KANK1: variants seen among roughly 807,000 people sequenced by gnomAD.
The protein encoded by KANK1 is KN motif and ankyrin repeat domains 1, also known as KN motif and ankyrin repeat domain-containing protein 1.
In KANK1, 109 loss-of-function variants were observed where a neutral mutation model predicts 106.2. The ratio of observed to expected loss-of-function variants is 1.03; its 90% CI spans 0.88 to 1.20. The LOEUF (loss-of-function observed/expected upper bound fraction) is 1.20. Among genes scored for constraint, KANK1 ranks in the 50% most tolerant of loss-of-function variants. The probability of loss-of-function intolerance (pLI) is 0.00; values close to 1 mark genes in which losing one functional copy is unlikely to be tolerated. For synonymous variants in KANK1, 873 were observed against 652.2 expected, an observed-to-expected ratio of 1.34 and a Z score of -5.16; for missense variants, 2,399 against 1,710.7, an observed-to-expected ratio of 1.40 and a Z score of -7.10.
At chr9:603,958 C>A (rs1216674331) in intron 1 of KANK1, among the ~76,000 whole-genome samples, 1,453 of 93,490 alleles carry the variant, frequency 0.016, no homozygotes, top group East Asian at 0.024. Flanking sequence ...GACTCTGTCT[C>A]AAAAAAAAAA....
intron 1 of KANK1, among the ~76,000 whole-genome samples, chr9:602,324 G>A (rs1181459384): frequency 1.3e-5 from 2 of 151,504 alleles, no homozygotes; most frequent in Non-Finnish European, 2.9e-5. Context: ...CAGTGGTGTG[G>A]TCTTGGCTCA....
At chr9:744,468 T>C (rs772279849) in intron 10 of KANK1, 23 bp from the exon 11 acceptor site, 2 of 1,606,852 alleles carry the variant, frequency 1.2e-6, no homozygotes, top group Admixed American at 1.7e-5. Flanking sequence ...CAACATGGCT[T>C]GTTCTTTCCA....
chr9:731,142 C>T lies in KANK1; in HGVS notation c.2897-16C>T. The T allele has an allele frequency of 6.7e-7, 1 of 1,492,060 alleles. No homozygotes were observed. Among genetic ancestry groups the T allele is most frequent in the Non-Finnish European group, 9.3e-7 (1 of 1,074,330 alleles). The allele number at this position is 1,492,060 out of a possible 1,614,324, so 92.4% of individuals were successfully genotyped here. On this transcript the variant is annotated splice_polypyrimidine_tract_variant and intron_variant, in intron 4 of 11. Transcript: ENST00000382297. ...GGGTGTGAGTTTTCATTTTTATTGC[C>T]TTGACTTTTTCACAGCATGTACAAA...
chr9:559,758 C>G (rs2804263), intron 1 of KANK1, among the ~76,000 whole-genome samples: 96,338 of 151,988 alleles, frequency 0.63, 31,357 homozygotes, highest in East Asian at 0.75. Context: ...AGAAGGCTTT[C>G]AGGTGATTTC....
intron 2 of KANK1, chr9:706,725 C>T (rs1311035837): frequency 1.1e-6 from 1 of 951,846 alleles, no homozygotes; most frequent in East Asian, 1.2e-4. Context: ...GTCATAAGCC[C>T]AGGGCTGAGA....
intron 2 of KANK1, among the ~76,000 whole-genome samples, chr9:699,171 G>C (rs11789761): frequency 0.33 from 49,628 of 152,060 alleles, 9,732 homozygotes; most frequent in South Asian, 0.47. Context: ...GCCTAGGCAG[G>C]GTCCCTGCTG....
At chr9:515,409 T>C (rs1466639519) in intron 1 of KANK1, among the ~76,000 whole-genome samples, 1 of 149,654 alleles carries the variant, frequency 6.7e-6, no homozygotes, top group East Asian at 1.9e-4. Context: ...ATCAGTTCTT[T>C]AACCACTCTA....
chr9:701,356 G>C (rs1233477329), intron 2 of KANK1, among the ~76,000 whole-genome samples: 1 of 152,172 alleles, frequency 6.6e-6, no homozygotes, highest in Non-Finnish European at 1.5e-5. Flanking sequence ...CAGCCGCCTT[G>C]GCCTCCCAAA....
At chr9:621,642 G>C (rs943803990) in intron 1 of KANK1, among the ~76,000 whole-genome samples, 1 of 152,012 alleles carries the variant, frequency 6.6e-6, no homozygotes, top group Non-Finnish European at 1.5e-5. Flanking sequence ...CCCATGACGA[G>C]TGGACATTCC....
chr9:597,760 T>C (rs1345041902), intron 1 of KANK1, among the ~76,000 whole-genome samples: 1 of 151,536 alleles, frequency 6.6e-6, no homozygotes, highest in East Asian at 1.9e-4. Flanking sequence ...GTCTCCTGGG[T>C]TCAAGTGATT....
In KANK1 at chr9:738,410, T is replaced by C. The variant is rs745388084; in HGVS notation, c.3459T>C (p.Tyr1153=). The change falls in exon 8 of 12, where the codon TAT becomes TAC. Residue 1153 remains tyrosine, a synonymous_variant. Transcript: ENST00000382297. ...FEAISPDVLR[Y]VINLADGNGN... ...CCATTTCCCCAGATGTCCTCCGCTA[T>C]GTCATCAACTTGGCAGACGGCAACG... 8 of 1,614,158 alleles carry C rather than the reference T, an allele frequency of 5.0e-6. No individual in the cohort carries two copies. Among genetic ancestry groups the C allele is most frequent in the East Asian group, 4.5e-5 (2 of 44,880 alleles).
chr9:641,434 A>T (rs891360691), intron 1 of KANK1, among the ~76,000 whole-genome samples: 9 of 152,196 alleles, frequency 5.9e-5, no homozygotes, highest in African/African-American at 1.9e-4. Context: ...TACTCTGTAT[A>T]TCCTTTCCAA....
At chr9:545,836 C>G (rs1394802732) in intron 1 of KANK1, among the ~76,000 whole-genome samples, 1 of 149,968 alleles carries the variant, frequency 6.7e-6, no homozygotes, top group African/African-American at 2.5e-5. Flanking sequence ...ACCTCTGCCT[C>G]ACGGGTTCAG....
Position 712,073 on chromosome 9 carries a change from G to T in KANK1, c.1307G>T (p.Cys436Phe). The change falls in exon 3 of 12, where the codon TGT (cysteine) becomes TTT (phenylalanine). Residue 436 changes from cysteine to phenylalanine, a missense_variant. By Grantham distance (205) the Cys-to-Phe change is radical. Transcript: ENST00000382297. Reference sequence around the variant, plus strand: ...GGGACACTTGTTGAGATGAGAAATTGTGGGGTCAGCGTGACAGAGGCCATG... The same window carrying T: ...GGGACACTTGTTGAGATGAGAAATTTTGGGGTCAGCGTGACAGAGGCCATG... ...AVGTLVEMRN[C>F]GVSVTEAMLG... 1 of 1,614,174 alleles carries T rather than the reference G, an allele frequency of 6.2e-7. No homozygotes were observed. Among genetic ancestry groups the T allele is most frequent in the Non-Finnish European group, 8.5e-7 (1 of 1,180,026 alleles).
At chr9:564,947 C>A (rs1817449806) in intron 1 of KANK1, among the ~76,000 whole-genome samples, 1 of 152,212 alleles carries the variant, frequency 6.6e-6, no homozygotes, top group Admixed American at 6.5e-5. Context: ...ACAGACATGG[C>A]TGTTCAGGTA....
chr9:520,421 G>A (rs748762017), intron 1 of KANK1, among the ~76,000 whole-genome samples: 78 of 151,580 alleles, frequency 5.1e-4, no homozygotes, highest in Non-Finnish European at 7.5e-4. Context: ...ACTTCTACTC[G>A]CCTTCACTTG....
chr9:631,427 T>C (rs1411753561), intron 1 of KANK1, among the ~76,000 whole-genome samples: 1 of 152,130 alleles, frequency 6.6e-6, no homozygotes, highest in African/African-American at 2.4e-5. Context: ...GACCATCAAC[T>C]ATACCCTTGA....
In KANK1 at chr9:711,142, G is replaced by C; in HGVS notation, c.376G>C (p.Glu126Gln). ...TPISKPPPPL[E>Q]TSLPFLTIPE... Reference sequence around the variant, plus strand: ...AATCTCAAAGCCACCTCCCCCTCTGGAGACCTCACTCCCTTTTCTTACCAT... The same window carrying C: ...AATCTCAAAGCCACCTCCCCCTCTGCAGACCTCACTCCCTTTTCTTACCAT... The change falls in exon 3 of 12, where the codon GAG (glutamate) becomes CAG (glutamine). Residue 126 changes from glutamate to glutamine, a missense_variant. Physicochemically the swap from Glu to Gln is conservative, Grantham distance 29. Coordinates refer to ENST00000382297, the MANE Select transcript of KANK1 (RefSeq NM_015158.5). The C allele has an allele frequency of 2.5e-6, 4 of 1,614,066 alleles. No individual in the cohort carries two copies. Among genetic ancestry groups the C allele is most frequent in the Non-Finnish European group, 3.4e-6 (4 of 1,180,024 alleles).
At chr9:652,961 G>A (rs544510894) in intron 1 of KANK1, among the ~76,000 whole-genome samples, 21 of 152,324 alleles carry the variant, frequency 1.4e-4, no homozygotes, top group East Asian at 5.8e-4. Context: ...CTGTTCCGGC[G>A]TTGGCGGTGG....
Sources: gnomAD v4.1 joint callset for allele counts (sites outside exome capture counted in the v4.1 genomes callset) on GRCh38, gnomAD v4.1.1 for gene constraint, MANE v1.5 for transcripts, NCBI Gene and HGNC (gene_info 2026-07-23, HGNC 2026-07-21) for gene names.